EFNB2: variants seen among roughly 807,000 people sequenced by gnomAD.
EFNB2 encodes the protein ephrin B2.
In EFNB2, 5 loss-of-function variants were observed where a neutral mutation model predicts 32.1. The observed-to-expected ratio is 0.16, with a 90% confidence interval of 0.08 to 0.33. The LOEUF (loss-of-function observed/expected upper bound fraction) is 0.33. EFNB2 is among the 10% of genes least tolerant of loss of function. EFNB2 has a pLI of 1.00. For synonymous variants in EFNB2, 168 were observed against 166.5 expected, an observed-to-expected ratio of 1.01 and a Z score of -0.07; for missense variants, 263 against 422.6, an observed-to-expected ratio of 0.62 and a Z score of 3.31.
rs1011738364 is a variant in EFNB2, at chr13:106,493,723, C to T, written c.614-295G>A. On this transcript the variant is annotated intron_variant, in intron 4 of 4. Transcript: ENST00000646441. The surrounding 1 kb of genome is among the most constrained non-coding windows in gnomAD (Gnocchi z 6.1). ...CTTGATCTTGCTTCATCTTCTAACC[C>T]GTGTCAGCCAGCCTGGGGCAGCGGC... is the stretch of plus-strand genomic sequence containing the variant. 3.3e-5 allele frequency among the ~76,000 whole-genome samples: 5 copies of T among 152,182 alleles called. No individual in the cohort carries two copies. Among genetic ancestry groups the T allele is most frequent in the South Asian group, 4.1e-4 (2 of 4,832 alleles).
chr13:106,514,673 C>T (rs1879256152), intron 1 of EFNB2, among the ~76,000 whole-genome samples: 2 of 152,190 alleles, frequency 1.3e-5, no homozygotes, highest in Admixed American at 1.3e-4. Flanking sequence ...GGTTTACAAA[C>T]ACCAGGAGTC....
chr13:106,496,389 C>T (rs896671880), intron 2 of EFNB2, among the ~76,000 whole-genome samples: 2 of 152,184 alleles, frequency 1.3e-5, no homozygotes, highest in African/African-American at 4.8e-5. Flanking sequence ...AAGAAGTATA[C>T]CAGAAATCAG....
chr13:106,534,244 G>A (rs1381673202), intron 1 of EFNB2, among the ~76,000 whole-genome samples: 2 of 152,178 alleles, frequency 1.3e-5, no homozygotes, highest in Middle Eastern at 3.2e-3. Context: ...AGGGCTCGAC[G>A]CCCGAGTTCT....
intron 4 of EFNB2, among the ~76,000 whole-genome samples, chr13:106,494,273 T>A (rs1159902582): frequency 6.6e-6 from 1 of 152,188 alleles, no homozygotes; most frequent in Non-Finnish European, 1.5e-5. Flanking sequence ...AAAACCTTCA[T>A]TAGCATGGTA....
intron 2 of EFNB2, among the ~76,000 whole-genome samples, chr13:106,509,043 G>GC (rs1421618329): frequency 1.3e-5 from 2 of 152,180 alleles, no homozygotes; most frequent in African/African-American, 4.8e-5. Context: ...TGTATGCCCA[G>GC]CCCTAAGGTG....
chr13:106,534,961 C>T lies in EFNB2; in HGVS notation c.4G>A (p.Ala2Thr), dbSNP rs775586386. M[A>T]VRRDSVWKYC... ...TTCCACACGGAGTCCCTTCTCACAG[C>T]CATGGCGAAGCCACTCCCAGCTCCG... is the stretch of plus-strand genomic sequence containing the variant. Residue 2 changes from alanine to threonine, a missense_variant, in exon 1 of 5, where the codon GCT (alanine) becomes ACT (threonine). Ala to Thr is a moderately conservative substitution (Grantham distance 58). Around this residue, in one of 3 missense-constraint regions of EFNB2, gnomAD observed 46 missense variants for 56.9 expected, o/e 0.81. Coordinates refer to ENST00000646441, the MANE Select transcript of EFNB2 (RefSeq NM_004093.4). 2 of 1,613,052 alleles carry T rather than the reference C, an allele frequency of 1.2e-6. No individual in the cohort carries two copies. Among genetic ancestry groups the T allele is most frequent in the Non-Finnish European group, 1.7e-6 (2 of 1,179,464 alleles).
intron 1 of EFNB2, among the ~76,000 whole-genome samples, chr13:106,522,461 T>C (rs980511401): frequency 6.6e-6 from 1 of 152,230 alleles, no homozygotes; most frequent in African/African-American, 2.4e-5. Context: ...TCTCTCTTGT[T>C]TTAGATATGA....
At chr13:106,503,671 C>G (rs1878857276) in intron 2 of EFNB2, among the ~76,000 whole-genome samples, 1 of 152,184 alleles carries the variant, frequency 6.6e-6, no homozygotes, top group South Asian at 2.1e-4. Context: ...GCCCAGCTCA[C>G]TGCCACAGGG....
chr13:106,490,601 CT>C lies in EFNB2; in HGVS notation c.*2438del, dbSNP rs1878367184. The C allele has an allele frequency of 6.6e-6, 1 of 152,078 alleles. No individual in the cohort carries two copies. The highest frequency in any genetic ancestry group is 2.4e-5 in the African/African-American group (1 of 41,394). 9.4% of individuals were successfully genotyped at this position (152,078 alleles called of 1,614,324 possible). ...TCCCATTTTTCCCCTTCTCGCCCCT[CT>C]CCCCCATCCTAAAAGTAACTTCTGA... On this transcript the variant is annotated 3_prime_UTR_variant, in exon 5 of 5. Coordinates refer to ENST00000646441, the MANE Select transcript of EFNB2 (RefSeq NM_004093.4).
At chr13:106,515,255 C>G (rs942853934) in intron 1 of EFNB2, among the ~76,000 whole-genome samples, 2 of 152,180 alleles carry the variant, frequency 1.3e-5, no homozygotes, top group Non-Finnish European at 2.9e-5. Flanking sequence ...TCATATAAAT[C>G]ATTTAATGAG....
chr13:106,493,914 C>T lies in EFNB2; in HGVS notation c.614-486G>A, dbSNP rs775593434. The stretch of plus-strand genomic sequence containing the variant: ...GGCAGAACAGAACAGCTCGGGAACG[C>T]GGAAGGAGTGAGGGGGCCTGGGAAA... On this transcript the variant is annotated intron_variant, in intron 4 of 4. Transcript: ENST00000646441. This position sits in a 1 kb window ranked among gnomAD's most constrained non-coding sequence, Gnocchi z 6.1. Among the ~76,000 whole-genome samples the T allele has an allele frequency of 1.2e-4, 19 of 152,156 alleles. No homozygotes were observed. Among genetic ancestry groups the T allele is most frequent in the African/African-American group, 3.1e-4 (13 of 41,416 alleles).
At chr13:106,498,973 G>A (rs1002581711) in intron 2 of EFNB2, among the ~76,000 whole-genome samples, 1 of 151,986 alleles carries the variant, frequency 6.6e-6, no homozygotes, top group Non-Finnish European at 1.5e-5. Flanking sequence ...GCTTATAAAG[G>A]GGCATTTAAA....
Position 106,532,987 on chromosome 13 carries a change from C to G in EFNB2, c.122+1856G>C, listed in dbSNP as rs181723361. 7.1e-3 allele frequency among the ~76,000 whole-genome samples: 1,083 copies of G among 152,036 alleles called. 9 individuals are homozygous for G. The highest frequency in any genetic ancestry group is 0.012 in the Non-Finnish European group (808 of 67,990). ...TTCTAATTCTCCTACCGGATACACA[C>G]AAACTAATAGTTAATATAGCGCAAA... On this transcript the variant is annotated intron_variant, in intron 1 of 4. Coordinates refer to ENST00000646441, the MANE Select transcript of EFNB2 (RefSeq NM_004093.4).
intron 4 of EFNB2, among the ~76,000 whole-genome samples, chr13:106,494,011 T>G (rs999314287): frequency 6.6e-6 from 1 of 152,222 alleles, no homozygotes; most frequent in African/African-American, 2.4e-5. Flanking sequence ...GCAGAAACTC[T>G]CACACCGAAC....
At chr13:106,522,086 A>C (rs1375848410) in intron 1 of EFNB2, among the ~76,000 whole-genome samples, 1 of 152,106 alleles carries the variant, frequency 6.6e-6, no homozygotes, top group African/African-American at 2.4e-5. Flanking sequence ...ACCCCAAAAA[A>C]ATCAGCCTAT....
chr13:106,527,696 A>G (rs1879745996), intron 1 of EFNB2, among the ~76,000 whole-genome samples: 1 of 152,240 alleles, frequency 6.6e-6, no homozygotes, highest in Non-Finnish European at 1.5e-5. Context: ...TTCAATGTGC[A>G]TGGAAAGCAT....
At chr13:106,532,310 C>A (rs1455306930) in intron 1 of EFNB2, among the ~76,000 whole-genome samples, 1 of 152,176 alleles carries the variant, frequency 6.6e-6, no homozygotes, top group Non-Finnish European at 1.5e-5. Context: ...TGCATGCTCC[C>A]TGTGTCGACC....
rs535855285 is a variant in EFNB2, at chr13:106,493,129, C to T, written c.913G>A (p.Glu305Lys). 2.2e-5 allele frequency: 36 copies of T among 1,613,922 alleles called. No homozygotes were observed. The highest frequency in any genetic ancestry group is 2.8e-5 in the Non-Finnish European group (33 of 1,180,042). ...TGCCCGTAGTCCCCGCTGACCTTCT[C>T]GTAGTGAGGGCAGAAGACGCTGTCC... ...TADSVFCPHY[E>K]KVSGDYGHPV... The change falls in exon 5 of 5, where the codon GAG (glutamate) becomes AAG (lysine). Residue 305 changes from glutamate to lysine, a missense_variant. By Grantham distance (56) the Glu-to-Lys change is moderately conservative. Coordinates refer to ENST00000646441, the MANE Select transcript of EFNB2 (RefSeq NM_004093.4). This position sits in a 1 kb window ranked among gnomAD's most constrained non-coding sequence, Gnocchi z 6.1.
intron 2 of EFNB2, among the ~76,000 whole-genome samples, 197 bp from the exon 3 acceptor site, chr13:106,496,037 G>A (rs1878578025): frequency 1.3e-5 from 2 of 152,130 alleles, no homozygotes; most frequent in African/African-American, 2.4e-5. Context: ...AATGGATATC[G>A]GAAACACTGC....
Sources: allele counts gnomAD v4.1 joint callset (sites outside exome capture counted in the v4.1 genomes callset), GRCh38; gene constraint gnomAD v4.1.1; regional missense constraint gnomAD v4.1.1; non-coding constraint Gnocchi (gnomAD v3.1); transcripts MANE v1.5; gene names NCBI Gene and HGNC (gene_info 2026-07-23, HGNC 2026-07-21).